CECR2: variants seen among roughly 807,000 people sequenced by gnomAD.
The protein encoded by CECR2 is CECR2 histone acetyl-lysine reader.
Under a neutral mutation model 154.5 loss-of-function variants are expected in CECR2, and 30 were observed. The observed-to-expected ratio is 0.19, with a 90% CI of 0.15 to 0.26. CECR2 has a LOEUF of 0.26. Among genes scored for constraint, CECR2 ranks in the 10% least tolerant of loss-of-function variants. The probability of loss-of-function intolerance (pLI) is 1.00; values close to 1 mark genes in which losing one functional copy is unlikely to be tolerated. For synonymous variants in CECR2, 725 were observed against 683.7 expected (o/e 1.06, Z -0.94); for missense variants, 1,743 against 1,829.3 (o/e 0.95, Z 0.86).
chr22:17,376,238 T>C (rs2063117698), intron 1 of CECR2, among the ~76,000 whole-genome samples: 1 of 152,210 alleles, frequency 6.6e-6, no homozygotes, highest in South Asian at 2.1e-4. Context: ...TGTGTGTGTG[T>C]GTGCCCACCA....
Position 17,552,152 on chromosome 22 carries a change from A to G in CECR2, c.4389+10A>G. Reference sequence around the variant, plus strand: ...ACTTCCCCTGGATCAGGTAAGGATCACTAAAAATTAGAGCTGTTCTTCTTC... The same window carrying G: ...ACTTCCCCTGGATCAGGTAAGGATCGCTAAAAATTAGAGCTGTTCTTCTTC... On this transcript the variant is annotated intron_variant, in intron 18 of 18. Coordinates refer to ENST00000262608, the MANE Select transcript of CECR2 (RefSeq NM_001290047.2). 1 of 1,609,496 alleles carries G rather than the reference A, an allele frequency of 6.2e-7. No individual in the cohort carries two copies. The highest frequency in any genetic ancestry group is 8.5e-7 in the Non-Finnish European group (1 of 1,175,832).
intron 9 of CECR2, among the ~76,000 whole-genome samples, chr22:17,530,761 G>C (rs1278344454): frequency 1.3e-5 from 2 of 152,090 alleles, no homozygotes; most frequent in Non-Finnish European, 2.9e-5. Context: ...GAACCTGAAT[G>C]CAGTATACAC....
intron 1 of CECR2, among the ~76,000 whole-genome samples, chr22:17,363,498 G>C (rs753147811): frequency 5.3e-4 from 80 of 151,720 alleles, no homozygotes; most frequent in Non-Finnish European, 1.0e-3. Context: ...GTGAGCCACC[G>C]TGCCAGGCCA....
intron 1 of CECR2, among the ~76,000 whole-genome samples, chr22:17,466,839 GC>G (rs2055041240): frequency 6.6e-6 from 1 of 152,024 alleles, no homozygotes; most frequent in Non-Finnish European, 1.5e-5. Context: ...TGATCCTCCC[GC>G]CCCGGCCTTC....
At chr22:17,495,924 C>T (rs1156343582) in intron 2 of CECR2, among the ~76,000 whole-genome samples, 1 of 150,592 alleles carries the variant, frequency 6.6e-6, no homozygotes, top group Non-Finnish European at 1.5e-5. Flanking sequence ...CACTTATAGT[C>T]CAGATGCTCT....
chr22:17,426,032 G>C (rs2146618355), intron 1 of CECR2, among the ~76,000 whole-genome samples: 1 of 152,100 alleles, frequency 6.6e-6, no homozygotes, highest in East Asian at 1.9e-4. Context: ...AAACCCTCAG[G>C]TACCCATCAT....
rs114590011 is a variant in CECR2, at chr22:17,513,753, C to A, written c.954+1857C>A. Among the ~76,000 whole-genome samples, 410 of 152,264 alleles carry A rather than the reference C, an allele frequency of 2.7e-3. 3 individuals are homozygous for A. The highest frequency in any genetic ancestry group is 9.4e-3 in the African/African-American group (389 of 41,550). On this transcript the variant is annotated intron_variant, in intron 8 of 18. Coordinates refer to ENST00000262608, the MANE Select transcript of CECR2 (RefSeq NM_001290047.2). Reference sequence around the variant, plus strand: ...TGGGCTCTCTCTGCTGTCTTTATTACCTTGACAGTTCACACCTCCTTGCAA... The same window carrying A: ...TGGGCTCTCTCTGCTGTCTTTATTAACTTGACAGTTCACACCTCCTTGCAA...
chr22:17,460,069 T>C (rs1371773199), intron 1 of CECR2, among the ~76,000 whole-genome samples: 1 of 152,226 alleles, frequency 6.6e-6, no homozygotes, highest in East Asian at 1.9e-4. Context: ...CGTGTAACCA[T>C]GCCTGGACTT....
At chr22:17,460,023 T>C (rs1601395769) in intron 1 of CECR2, among the ~76,000 whole-genome samples, 1 of 152,294 alleles carries the variant, frequency 6.6e-6, no homozygotes, top group East Asian at 1.9e-4. Flanking sequence ...TTCCTCTTCC[T>C]TTCTCCAGCT....
chr22:17,490,126 C>G (rs1271368836), intron 2 of CECR2, among the ~76,000 whole-genome samples: 1 of 147,084 alleles, frequency 6.8e-6, no homozygotes, highest in Non-Finnish European at 1.5e-5. Flanking sequence ...CTGTTGAGAT[C>G]TGTTCCTTAC....
chr22:17,490,138 GTT>G (rs759001714), intron 2 of CECR2, among the ~76,000 whole-genome samples: 15 of 146,688 alleles, frequency 1.0e-4, no homozygotes, highest in Admixed American at 8.1e-4. Flanking sequence ...GTTCCTTACT[GTT>G]TTTTTTTTGT....
At chr22:17,460,669 A>G (rs943777893) in intron 1 of CECR2, among the ~76,000 whole-genome samples, 3 of 137,312 alleles carry the variant, frequency 2.2e-5, no homozygotes, top group African/African-American at 3.4e-5. Flanking sequence ...CAAGTCTTAG[A>G]TTGTATGGAG....
At position 17,477,530 on chromosome 22, in the gene CECR2, G is replaced by A. The variant is rs1276403865; in HGVS notation, c.127-58G>A. 5 of 1,116,010 alleles carry A rather than the reference G, an allele frequency of 4.5e-6. No homozygotes were observed. In the East Asian group the frequency reaches 9.4e-5, roughly 21 times the overall value. The allele number at this position is 1,116,010 out of a possible 1,614,324, so 69.1% of individuals were successfully genotyped here. A position where few individuals can be genotyped will look rare whatever the true frequency, so the allele number is the denominator to read the frequency against. Reference sequence around the variant, plus strand: ...GGGCTTGTGCTGGCGGTAGGAAGGGGTGTGTATTTTAAGAAATCTCTGTTT... The same window carrying A: ...GGGCTTGTGCTGGCGGTAGGAAGGGATGTGTATTTTAAGAAATCTCTGTTT... On this transcript the variant is annotated intron_variant, in intron 1 of 18. Transcript: ENST00000262608.
rs2056011194 is a variant in CECR2, at chr22:17,514,240, A to G, written c.954+2344A>G. ...TTATTTTTGTCCGGACACTTTGGTC[A>G]TTGCTGTTGCTAGGGAGCTGTTTGT... is the stretch of plus-strand genomic sequence containing the variant. On this transcript the variant is annotated intron_variant, in intron 8 of 18. Coordinates refer to ENST00000262608, the MANE Select transcript of CECR2 (RefSeq NM_001290047.2). Among the ~76,000 whole-genome samples, 4 of 152,218 alleles carry G rather than the reference A, an allele frequency of 2.6e-5. No individual in the cohort carries two copies. In the South Asian group the frequency reaches 8.3e-4, roughly 32 times the overall value.
At chr22:17,372,013 T>G (rs1402480184) in intron 1 of CECR2, among the ~76,000 whole-genome samples, 1 of 149,474 alleles carries the variant, frequency 6.7e-6, no homozygotes. Context: ...AAAATCACTG[T>G]AGTTTACATG....
At position 17,524,383 on chromosome 22, in the gene CECR2, ATTTCTTTTT is replaced by A; in HGVS notation, c.1108+116_1108+124del. ...CCATGCATCCAAGTTGTTTCCGGCA[ATTTCTTTTT>A]TTTTTTTTTTTTTTTTTTGAGACGG... is the stretch of plus-strand genomic sequence containing the variant. On this transcript the variant is annotated intron_variant, in intron 9 of 18. Transcript: ENST00000262608. The A allele has an allele frequency of 3.2e-5, 21 of 666,346 alleles. No homozygotes were observed. The African/African-American group carries it at 3.6e-4, about 11-fold the overall frequency. 41.3% of individuals were successfully genotyped at this position (666,346 alleles called of 1,614,324 possible).
chr22:17,453,261 G>A (rs1332282705), intron 1 of CECR2, among the ~76,000 whole-genome samples: 3 of 152,124 alleles, frequency 2.0e-5, no homozygotes, highest in African/African-American at 7.2e-5. Flanking sequence ...GACCAACATG[G>A]AGAAACCCCG....
intron 1 of CECR2, among the ~76,000 whole-genome samples, chr22:17,400,793 A>G (rs2053880357): frequency 6.6e-6 from 1 of 152,150 alleles, no homozygotes; most frequent in Non-Finnish European, 1.5e-5. Flanking sequence ...CCTCTGTTGC[A>G]GGCTGGAGTG....
chr22:17,542,255 A>G lies in CECR2; in HGVS notation c.2112A>G (p.Pro704=). ...TGACACACCTTTCTAACATGGGCCC[A>G]CACCCTGGATCCTTGCAGCTTGGGC... ...GGLTHLSNMG[P]HPGSLQLGQI... Residue 704 remains proline (P), a synonymous_variant, in exon 16 of 19, where the codon CCA becomes CCG. Transcript: ENST00000262608. The G allele has an allele frequency of 6.2e-7, 1 of 1,611,082 alleles. No homozygotes were observed. The highest frequency in any genetic ancestry group is 8.5e-7 in the Non-Finnish European group (1 of 1,178,576).
Sources: allele counts gnomAD v4.1 joint callset (sites outside exome capture counted in the v4.1 genomes callset), GRCh38; gene constraint gnomAD v4.1.1; transcripts MANE v1.5; gene names NCBI Gene and HGNC (gene_info 2026-07-23, HGNC 2026-07-21).